ATXN7L1: variants seen among roughly 807,000 people sequenced by gnomAD.
ATXN7L1 encodes ataxin-7-like protein 1.
ATXN7L1 carries 15 observed loss-of-function variants against 70.8 expected under a neutral mutation model. The ratio of observed to expected loss-of-function variants is 0.21; its 90% CI spans 0.14 to 0.33. The LOEUF is 0.33. Among genes scored for constraint, ATXN7L1 ranks in the 10% least tolerant of loss-of-function variants. ATXN7L1 has a pLI of 1.00. For synonymous variants in ATXN7L1, 440 were observed against 445.1 expected (o/e 0.99, Z 0.14); for missense variants, 975 against 1,097.1 (o/e 0.89, Z 1.57).
intron 3 of ATXN7L1, among the ~76,000 whole-genome samples, chr7:105,706,544 ACACCAC>A (rs748288595): frequency 6.6e-6 from 1 of 151,960 alleles, no homozygotes; most frequent in Non-Finnish European, 1.5e-5. Flanking sequence ...ACAGCAAAAA[ACACCAC>A]CACCACCACC....
intron 4 of ATXN7L1, among the ~76,000 whole-genome samples, chr7:105,662,570 A>G (rs1322670604): frequency 6.6e-6 from 1 of 152,182 alleles, no homozygotes; most frequent in Non-Finnish European, 1.5e-5. Context: ...ATGGGGCTAC[A>G]TGAGACCTCT....
chr7:105,731,807 A>AGAAAAGAAAAGAAAAGAAAAGAAAC (rs1484911636), intron 3 of ATXN7L1, among the ~76,000 whole-genome samples: 1 of 147,168 alleles, frequency 6.8e-6, no homozygotes, highest in Non-Finnish European at 1.5e-5. Context: ...AGAAAAGAAA[A>AGAAAAGAAAAGAAAAGAAAAGAAAC]CCCAGCTGGG....
chr7:105,625,174 C>A (rs566685656), intron 7 of ATXN7L1, among the ~76,000 whole-genome samples: 2 of 152,344 alleles, frequency 1.3e-5, no homozygotes, highest in African/African-American at 4.8e-5. Flanking sequence ...CCTTACTCGG[C>A]ACCCATGCCT....
Position 105,847,138 on chromosome 7 carries a change from C to CGTAT in ATXN7L1, c.250+28673_250+28674insATAC, listed in dbSNP as rs572718915. ...TATCTTAATGGCAATTATTAAAACA[C>CGTAT]ATACATAAAGTGTGTCACAGGGTGA... On this transcript the variant is annotated intron_variant, in intron 2 of 11. Transcript: ENST00000419735. Among the ~76,000 whole-genome samples, 547 of 152,278 alleles carry CGTAT rather than the reference C, an allele frequency of 3.6e-3. 3 individuals carry two copies. Among genetic ancestry groups the CGTAT allele is most frequent in the Non-Finnish European group, 6.2e-3 (423 of 68,024 alleles).
intron 3 of ATXN7L1, among the ~76,000 whole-genome samples, chr7:105,705,782 G>A (rs547388917): frequency 1.2e-4 from 19 of 152,254 alleles, no homozygotes; most frequent in African/African-American, 3.9e-4. Flanking sequence ...AAACATTAGC[G>A]CATTTGGGAC....
At chr7:105,743,041 T>C (rs910319334) in intron 3 of ATXN7L1, among the ~76,000 whole-genome samples, 2 of 152,196 alleles carry the variant, frequency 1.3e-5, no homozygotes, top group Non-Finnish European at 2.9e-5. Context: ...GCTCATTGCT[T>C]TTCAAATTAG....
chr7:105,617,428 T>C (rs1562895981), intron 9 of ATXN7L1, among the ~76,000 whole-genome samples: 1 of 152,224 alleles, frequency 6.6e-6, no homozygotes, highest in Admixed American at 6.5e-5. Flanking sequence ...CCCTAAATCT[T>C]AACCTGGCTG....
intron 2 of ATXN7L1, among the ~76,000 whole-genome samples, chr7:105,812,547 G>A (rs977373863): frequency 6.6e-6 from 1 of 152,010 alleles, no homozygotes; most frequent in Non-Finnish European, 1.5e-5. Flanking sequence ...GTCTTTACTC[G>A]AGTCCTTAAT....
chr7:105,760,510 G>C (rs1157150190), intron 3 of ATXN7L1: 12 of 985,704 alleles, frequency 1.2e-5, no homozygotes, highest in Non-Finnish European at 1.4e-5. Flanking sequence ...TTCTCAACTA[G>C]CCTCACTGTT....
chr7:105,608,502 T>C (rs890919161), intron 11 of ATXN7L1, among the ~76,000 whole-genome samples: 1 of 152,176 alleles, frequency 6.6e-6, no homozygotes, highest in Admixed American at 6.5e-5. Flanking sequence ...GGCTGATTGC[T>C]GGCATTTTGG....
intron 3 of ATXN7L1, among the ~76,000 whole-genome samples, chr7:105,783,681 C>T (rs1803860532): frequency 6.6e-6 from 1 of 152,204 alleles, no homozygotes; most frequent in Non-Finnish European, 1.5e-5. Flanking sequence ...TAGGACTCTT[C>T]CAGACCTCAC....
intron 3 of ATXN7L1, among the ~76,000 whole-genome samples, chr7:105,733,725 TCCTTCCATCCATCCACCCAA>T (rs1796985218): frequency 3.3e-5 from 4 of 121,168 alleles, no homozygotes; most frequent in Non-Finnish European, 5.4e-5. Context: ...CATCCATCCA[TCCTTCCATCCATCCACCCAA>T]CCACCCATCC....
chr7:105,826,004 G>A (rs1287497963), intron 2 of ATXN7L1, among the ~76,000 whole-genome samples: 1 of 152,114 alleles, frequency 6.6e-6, no homozygotes, highest in Non-Finnish European at 1.5e-5. Context: ...GGAAGGTTCC[G>A]AGATCCTAAA....
chr7:105,692,485 C>T (rs1791138070), intron 3 of ATXN7L1, among the ~76,000 whole-genome samples: 1 of 142,006 alleles, frequency 7.0e-6, no homozygotes, highest in Non-Finnish European at 1.5e-5. Flanking sequence ...CTGGCTCTGT[C>T]ACCCAGGCTG....
intron 3 of ATXN7L1, among the ~76,000 whole-genome samples, chr7:105,768,526 T>A (rs1458614575): frequency 6.6e-6 from 1 of 152,250 alleles, no homozygotes; most frequent in African/African-American, 2.4e-5. Context: ...GTGGCAAGGT[T>A]ATCAATGCTT....
intron 3 of ATXN7L1, among the ~76,000 whole-genome samples, chr7:105,673,131 C>T (rs1804032419): frequency 6.6e-6 from 1 of 152,236 alleles, no homozygotes; most frequent in Admixed American, 6.5e-5. Flanking sequence ...CTCCAGTTTG[C>T]TCCCCTCACT....
intron 3 of ATXN7L1, among the ~76,000 whole-genome samples, chr7:105,733,887 A>C: frequency 2.5e-5 from 2 of 79,880 alleles, no homozygotes; most frequent in Non-Finnish European, 2.5e-5. Flanking sequence ...TCCATCATCC[A>C]TCATCCATCC....
At chr7:105,872,385 A>G (rs981570587) in intron 2 of ATXN7L1, among the ~76,000 whole-genome samples, 3 of 152,204 alleles carry the variant, frequency 2.0e-5, no homozygotes, top group South Asian at 2.1e-4. Context: ...TCATAGTGGC[A>G]TTACTCAAAA....
chr7:105,874,118 C>T (rs1027241132), intron 2 of ATXN7L1, among the ~76,000 whole-genome samples: 1 of 121,624 alleles, frequency 8.2e-6, no homozygotes, highest in Non-Finnish European at 1.6e-5. Flanking sequence ...AGTGAGAATC[C>T]GTATCAAAAA....
Sources: gnomAD v4.1 joint callset for allele counts (sites outside exome capture counted in the v4.1 genomes callset) on GRCh38, gnomAD v4.1.1 for gene constraint, MANE v1.5 for transcripts, NCBI Gene and HGNC (gene_info 2026-07-23, HGNC 2026-07-21) for gene names.